GNAS: variants seen among roughly 807,000 people sequenced by gnomAD.
The protein encoded by GNAS is protein ALEX.
In GNAS, 8 loss-of-function variants were observed where a neutral mutation model predicts 54.5. The observed-to-expected ratio is 0.15, with a 90% CI of 0.09 to 0.26. GNAS has a LOEUF of 0.26. Among genes scored for constraint, GNAS ranks in the 10% least tolerant of loss-of-function variants. The pLI, the probability that GNAS is intolerant of heterozygous loss-of-function variation, is 1.00. For missense variants in GNAS, 170 were observed against 529.8 expected, an observed-to-expected ratio of 0.32 and a Z score of 6.67; for synonymous variants, 204 against 191.4, an observed-to-expected ratio of 1.07 and a Z score of -0.54.
intron 3 of GNAS, among the ~76,000 whole-genome samples, chr20:58,902,689 C>T (rs1331071711): frequency 7.0e-6 from 1 of 143,126 alleles, no homozygotes; most frequent in Non-Finnish European, 1.5e-5. Context: ...AGTTTCATTG[C>T]TGCTAGCTGC....
At chr20:58,878,786 G>C (rs112015971) in intron 1 of GNAS, among the ~76,000 whole-genome samples, 2 of 152,050 alleles carry the variant, frequency 1.3e-5, no homozygotes, top group Non-Finnish European at 2.9e-5. Context: ...ATTAGGGTCC[G>C]GCAGTTCTGT....
chr20:58,893,506 C>T (rs1568987664), intron 1 of GNAS, among the ~76,000 whole-genome samples: 1 of 152,142 alleles, frequency 6.6e-6, no homozygotes, highest in East Asian at 1.9e-4. Context: ...TAATAAAAGG[C>T]TGTTCTTATT....
At chr20:58,870,845 G>A (rs542521987) in intron 1 of GNAS, among the ~76,000 whole-genome samples, 7 of 152,184 alleles carry the variant, frequency 4.6e-5, no homozygotes, top group African/African-American at 9.6e-5. Context: ...ACACTTGGCC[G>A]GGCGCCTTTT....
At position 58,909,821 on chromosome 20, in the gene GNAS, C is replaced by T; in HGVS notation, c.839+17C>T. 1.2e-6 allele frequency: 2 copies of T among 1,612,876 alleles called. No homozygotes were observed. Among genetic ancestry groups the T allele is most frequent in the South Asian group, 2.2e-5 (2 of 91,060 alleles). On this transcript the variant is annotated intron_variant, in intron 10 of 12. Transcript: ENST00000371085. This position sits in a 1 kb window ranked among gnomAD's most constrained non-coding sequence, Gnocchi z 7.3. ...GAACAACAGGTTTGTGGAGTGACCG[C>T]CCACCCCCTGCGCTTGCCCAGGAGG...
chr20:58,851,922 C>A (rs1317764911), intron 1 of GNAS, among the ~76,000 whole-genome samples: 1 of 152,214 alleles, frequency 6.6e-6, no homozygotes, highest in East Asian at 1.9e-4. Flanking sequence ...CTCCGGTTGC[C>A]GCGCGGCATG....
upstream of GNAS, chr20:58,889,462 C>A: frequency 1.9e-6 from 1 of 532,234 alleles, no homozygotes; most frequent in Non-Finnish European, 2.4e-6. Flanking sequence ...GCTGCCTTGC[C>A]CCGGGGCGCC....
At chr20:58,880,878 G>A (rs2088185088) in intron 1 of GNAS, among the ~76,000 whole-genome samples, 1 of 151,888 alleles carries the variant, frequency 6.6e-6, no homozygotes, top group Non-Finnish European at 1.5e-5. Context: ...TTTAAACAAA[G>A]TTCTCTTCTC....
rs2085693599 is a variant in GNAS, at chr20:58,840,927, G to A, written c.43+41G>A. ...CTAAACTGGGGAGCCTGAGGGCGGT[G>A]TGGGAGCAGCGCAGGTGGAAAGGAG... On this transcript the variant is annotated intron_variant, in intron 1 of 12. Transcript: ENST00000306090. This position sits in a 1 kb window ranked among gnomAD's most constrained non-coding sequence, Gnocchi z 6.0. The A allele has an allele frequency of 6.2e-7, 1 of 1,606,650 alleles. No individual in the cohort carries two copies. Among genetic ancestry groups the A allele is most frequent in the African/African-American group, 1.3e-5 (1 of 74,906 alleles).
chr20:58,901,190 T>C (rs1325278220), intron 3 of GNAS, among the ~76,000 whole-genome samples: 2 of 152,188 alleles, frequency 1.3e-5, no homozygotes, highest in African/African-American at 4.8e-5. Flanking sequence ...AGATTTGCCC[T>C]AGGGGGTTTT....
intron 6 of GNAS, among the ~76,000 whole-genome samples, chr20:58,907,328 C>T (rs1444728051): frequency 6.6e-6 from 1 of 152,200 alleles, no homozygotes; most frequent in African/African-American, 2.4e-5. Flanking sequence ...CTTGGCTGGT[C>T]CCTATGGCCC....
chr20:58,872,701 C>T (rs542013410), intron 1 of GNAS, among the ~76,000 whole-genome samples: 10 of 151,922 alleles, frequency 6.6e-5, no homozygotes, highest in South Asian at 2.1e-4. Flanking sequence ...GGGAATTCAG[C>T]CAGAGGAGAA....
intron 1 of GNAS, chr20:58,843,933 T>C (rs2085841373): frequency 6.6e-6 from 1 of 152,156 alleles, no homozygotes; most frequent in African/African-American, 2.4e-5. Flanking sequence ...ATGTTACAGT[T>C]TGGGATTGTT....
intron 1 of GNAS, chr20:58,855,848 C>T (rs1276966254): frequency 4.0e-5 from 23 of 571,478 alleles, no homozygotes; most frequent in Non-Finnish European, 6.5e-5. Context: ...TGAAGTGTCC[C>T]CTGTTCCTAT....
rs2146285259 is a variant in GNAS at position 58,909,742 on chromosome 20, G to A, written c.777G>A (p.Glu259=). The A allele has an allele frequency of 6.2e-7, 1 of 1,614,076 alleles. No homozygotes were observed. Among genetic ancestry groups the A allele is most frequent in the Non-Finnish European group, 8.5e-7 (1 of 1,179,972 alleles). Residue 259 remains glutamate (E), a synonymous_variant, in exon 10 of 13, where the codon GAG becomes GAA. Coordinates refer to ENST00000371085, the MANE Select transcript of GNAS (RefSeq NM_000516.7). The surrounding 1 kb of genome is among the most constrained non-coding windows in gnomAD (Gnocchi z 7.3). ...GCAGCTACAACATGGTCATCCGGGA[G>A]GACAACCAGACCAACCGCCTGCAGG... ...ASSSYNMVIR[E]DNQTNRLQEA...
chr20:58,907,280 G>C (rs538585821), intron 6 of GNAS, among the ~76,000 whole-genome samples: 2 of 152,138 alleles, frequency 1.3e-5, no homozygotes, highest in Non-Finnish European at 1.5e-5. Context: ...ACAAGCAAAT[G>C]TGTATATTTT....
intron 1 of GNAS, chr20:58,850,667 C>G (rs1300609333): frequency 2.5e-6 from 1 of 399,182 alleles, no homozygotes; most frequent in Non-Finnish European, 4.4e-6. Context: ...CCTCACCTTG[C>G]CCGGCAGTGG....
chr20:58,847,903 G>A (rs762000369), intron 1 of GNAS, among the ~76,000 whole-genome samples: 24 of 152,172 alleles, frequency 1.6e-4, no homozygotes, highest in Non-Finnish European at 2.6e-4. Flanking sequence ...ACAATTACTC[G>A]TTGAATACAT....
chr20:58,874,733 T>C (rs922068654), intron 1 of GNAS, among the ~76,000 whole-genome samples: 2 of 151,774 alleles, frequency 1.3e-5, no homozygotes, highest in African/African-American at 4.8e-5. Flanking sequence ...CTGGCCTGCC[T>C]TCCATCTTAG....
intron 1 of GNAS, among the ~76,000 whole-genome samples, chr20:58,862,002 GC>G: frequency 6.6e-6 from 1 of 152,100 alleles, no homozygotes; most frequent in Middle Eastern, 3.4e-3. Flanking sequence ...ATGGCACCTG[GC>G]CTTTTTTTCT....
Sources: gnomAD v4.1 joint callset for allele counts (sites outside exome capture counted in the v4.1 genomes callset) on GRCh38, gnomAD v4.1.1 for gene constraint, Gnocchi (gnomAD v3.1) non-coding constraint, MANE v1.5 for transcripts, NCBI Gene and HGNC (gene_info 2026-07-23, HGNC 2026-07-21) for gene names.